The following TENM3 variants were observed in gnomAD, a reference collection of about 807,000 sequenced individuals.
TENM3 encodes the protein teneurin-3.
Under a neutral mutation model 255.1 loss-of-function variants are expected in TENM3, and 63 were observed. The observed-to-expected ratio is 0.25, with a 90% CI of 0.20 to 0.30. TENM3 has a LOEUF of 0.30. TENM3 is among the 10% of genes least tolerant of loss of function. TENM3 has a pLI of 1.00. For synonymous variants in TENM3, 1,306 were observed against 1,322.3 expected (o/e 0.99, Z 0.27); for missense variants, 2,929 against 3,461.1 (o/e 0.85, Z 3.86).
chr4:181,760,424 A>G, the TENM3 span, among the ~76,000 whole-genome samples: 1 of 152,192 alleles, frequency 6.6e-6, no homozygotes, highest in East Asian at 1.9e-4. Flanking sequence ...CTAGTCACTT[A>G]GGTATATCTA....
At chr4:181,907,004 C>G in the TENM3 span, among the ~76,000 whole-genome samples, 1 of 152,030 alleles carries the variant, frequency 6.6e-6, no homozygotes, top group Non-Finnish European at 1.5e-5. Context: ...TCAGCCTCCC[C>G]AGTAGCTGTG....
intron 1 of TENM3, among the ~76,000 whole-genome samples, chr4:182,257,310 G>T (rs13116377): frequency 0.17 from 26,229 of 152,076 alleles, 2,937 homozygotes; most frequent in Non-Finnish European, 0.25. Context: ...ATGTGTGTGT[G>T]TTTGTGTGTG....
the TENM3 span, among the ~76,000 whole-genome samples, chr4:182,111,593 T>C: frequency 1.3e-5 from 2 of 152,232 alleles, no homozygotes; most frequent in African/African-American, 4.8e-5. Flanking sequence ...CAGATGGACA[T>C]GCTTCTATGG....
the TENM3 span, among the ~76,000 whole-genome samples, chr4:181,606,418 T>C: frequency 6.6e-6 from 1 of 152,184 alleles, no homozygotes; most frequent in Non-Finnish European, 1.5e-5. Flanking sequence ...GGTGTTCTTC[T>C]CTTTGCTGAG....
intron 3 of TENM3, among the ~76,000 whole-genome samples, chr4:182,395,314 C>T (rs993389844): frequency 4.6e-5 from 7 of 152,126 alleles, no homozygotes; most frequent in African/African-American, 1.7e-4. Flanking sequence ...CACTTTATCA[C>T]AACCAGTGTT....
At chr4:182,597,410 G>A (rs1257306205) in intron 3 of TENM3, among the ~76,000 whole-genome samples, 2 of 152,000 alleles carry the variant, frequency 1.3e-5, no homozygotes, top group African/African-American at 4.8e-5. Context: ...CCTTGTCTCA[G>A]AGGAAGAAAA....
intron 3 of TENM3, among the ~76,000 whole-genome samples, chr4:182,347,954 T>G (rs992998418): frequency 2.6e-5 from 4 of 152,368 alleles, no homozygotes; most frequent in African/African-American, 9.6e-5. Context: ...ATTTATTGGG[T>G]GACTTTGTCA....
intron 26 of TENM3, among the ~76,000 whole-genome samples, chr4:182,794,635 T>C (rs1579542295): frequency 6.6e-6 from 1 of 152,346 alleles, no homozygotes. Context: ...TACTAATTTT[T>C]CCACGAATGT....
the TENM3 span, among the ~76,000 whole-genome samples, chr4:181,558,534 A>G: frequency 1.3e-5 from 2 of 152,228 alleles, no homozygotes; most frequent in Non-Finnish European, 2.9e-5. Flanking sequence ...TTCACAAACC[A>G]TTCCATAATC....
chr4:182,063,326 T>C, the TENM3 span, among the ~76,000 whole-genome samples: 1 of 152,206 alleles, frequency 6.6e-6, no homozygotes, highest in Non-Finnish European at 1.5e-5. Context: ...TTTGTCTATA[T>C]GGACCTATCA....
At chr4:182,391,144 A>T (rs1768395072) in intron 3 of TENM3, among the ~76,000 whole-genome samples, 1 of 152,204 alleles carries the variant, frequency 6.6e-6, no homozygotes, top group African/African-American at 2.4e-5. Context: ...ATTAAAAATA[A>T]TAGCTGCCTT....
chr4:182,266,148 G>A (rs982406493), intron 1 of TENM3, among the ~76,000 whole-genome samples: 2 of 152,172 alleles, frequency 1.3e-5, no homozygotes, highest in South Asian at 2.1e-4. Context: ...CACCTAGTAC[G>A]TAATTAAAAT....
chr4:182,305,263 T>C (rs138948581), intron 1 of TENM3, among the ~76,000 whole-genome samples: 1 of 152,194 alleles, frequency 6.6e-6, no homozygotes, highest in East Asian at 1.9e-4. Context: ...AAATAACAAG[T>C]TCTGAAGGCC....
At chr4:182,199,443 A>G (rs1290447331) in intron 1 of TENM3, among the ~76,000 whole-genome samples, 1 of 152,112 alleles carries the variant, frequency 6.6e-6, no homozygotes, top group Non-Finnish European at 1.5e-5. Flanking sequence ...AAAAGAAGAA[A>G]CATTGCCTAT....
the TENM3 span, among the ~76,000 whole-genome samples, chr4:181,759,378 T>A: frequency 6.6e-6 from 1 of 151,892 alleles, no homozygotes; most frequent in Admixed American, 6.6e-5. Flanking sequence ...AAAATAAAGG[T>A]TTAAAACATG....
intron 3 of TENM3, among the ~76,000 whole-genome samples, chr4:182,396,992 TA>T (rs1399024060): frequency 2.7e-5 from 4 of 150,928 alleles, no homozygotes; most frequent in Admixed American, 2.6e-4. Flanking sequence ...TAGAATAAAA[TA>T]AAATAAATCT....
intron 1 of TENM3, among the ~76,000 whole-genome samples, chr4:182,288,110 A>G (rs774607719): frequency 6.6e-5 from 10 of 150,858 alleles, no homozygotes; most frequent in Non-Finnish European, 1.3e-4. Context: ...CTAATTTTGT[A>G]TTTATAGTAG....
chr4:181,647,417 G>A, the TENM3 span, among the ~76,000 whole-genome samples: 1 of 152,202 alleles, frequency 6.6e-6, no homozygotes, highest in East Asian at 1.9e-4. Context: ...AGAGGAAAAT[G>A]TGTATCTGCA....
the TENM3 span, among the ~76,000 whole-genome samples, chr4:181,777,799 T>A: frequency 6.6e-6 from 1 of 152,146 alleles, no homozygotes; most frequent in Non-Finnish European, 1.5e-5. Flanking sequence ...CTTCCCACTT[T>A]TGAAATTCAC....
Sources: allele counts gnomAD v4.1 joint callset (sites outside exome capture counted in the v4.1 genomes callset), GRCh38; gene constraint gnomAD v4.1.1; transcripts MANE v1.5; gene names NCBI Gene and HGNC (gene_info 2026-07-23, HGNC 2026-07-21).